The following BAIAP3 variants were observed in gnomAD, a reference collection of about 807,000 sequenced individuals.
BAIAP3 encodes BAI1 associated protein 3, also known as BAI1-associated protein 3.
A neutral mutation model predicts 149.7 loss-of-function variants in BAIAP3; 180 were observed. The ratio of observed to expected loss-of-function variants is 1.20; its 90% confidence interval spans 1.07 to 1.36. The LOEUF is 1.36. BAIAP3 is among the 40% of genes most tolerant of loss of function. The pLI is 0.00. For missense variants in BAIAP3, 1,767 were observed against 1,563.4 expected, an observed-to-expected ratio of 1.13 and a Z score of -2.20; for synonymous variants, 845 against 670.7, an observed-to-expected ratio of 1.26 and a Z score of -4.02.
rs374109731 is a variant in BAIAP3, at chr16:1,346,836, C to T, written c.2643-11C>T. The T allele has an allele frequency of 1.3e-6, 2 of 1,583,240 alleles. No individual in the cohort carries two copies. The highest frequency in any genetic ancestry group is 2.3e-5 in the East Asian group (1 of 44,014). Reference sequence around the variant, plus strand: ...TGGGGCTGGCCCGTGGTCACTGATGCTGCCCTGCAGGGTGCTGGAGGCCCT... The same window carrying T: ...TGGGGCTGGCCCGTGGTCACTGATGTTGCCCTGCAGGGTGCTGGAGGCCCT... On this transcript the variant is annotated splice_polypyrimidine_tract_variant and intron_variant, in intron 27 of 33. Transcript: ENST00000426824.
Position 1,333,717 on chromosome 16 carries a change from C to G in BAIAP3, c.-43C>G, listed in dbSNP as rs2033279202. 2.8e-5 allele frequency: 3 copies of G among 108,936 alleles called. No homozygotes were observed. The South Asian group carries it at 9.4e-4, about 34-fold the overall frequency. The allele number at this position is 108,936 out of a possible 1,614,324, so 6.7% of individuals were successfully genotyped here. ...CCGAGCTGGTGCCGAGCGCAGCGCC[C>G]CAGGAGCCCCCCCATCCCCGCGCCG... On this transcript the variant is annotated 5_prime_UTR_variant, in exon 1 of 34. Coordinates refer to ENST00000426824, the MANE Select transcript of BAIAP3 (RefSeq NM_001199097.2).
chr16:1,343,547 G>A (rs2034084950), intron 15 of BAIAP3, 34 bp downstream of exon 15: 1 of 1,601,686 alleles, frequency 6.2e-7, no homozygotes, highest in Non-Finnish European at 8.5e-7. Flanking sequence ...GCCAGCCATG[G>A]CGAAGGGAGT....
At position 1,342,303 on chromosome 16, in the gene BAIAP3, G is replaced by A. The variant is rs1315742232; in HGVS notation, c.957+20G>A. 2 of 1,607,908 alleles carry A rather than the reference G, an allele frequency of 1.2e-6. No individual in the cohort carries two copies. Among genetic ancestry groups the A allele is most frequent in the Non-Finnish European group, 1.7e-6 (2 of 1,176,174 alleles). On this transcript the variant is annotated intron_variant, in intron 11 of 33. Transcript: ENST00000426824. ...GTCCGGGTGAGTGGGTGTGGGGTGG[G>A]GCTGGTGACACTTAGAGAAGGGCCT...
rs145807489 is a variant in BAIAP3, at chr16:1,345,256, C to T, written c.1948C>T (p.Arg650Cys). The T allele has an allele frequency of 2.7e-3, 4,341 of 1,612,998 alleles. 19 individuals are homozygous for T. The highest frequency in any genetic ancestry group is 2.7e-3 in the Non-Finnish European group (3,225 of 1,179,866). The change falls in exon 22 of 34, where the codon CGC becomes TGC. Residue 650 changes from arginine to cysteine, a missense_variant. Coordinates refer to ENST00000426824, the MANE Select transcript of BAIAP3 (RefSeq NM_001199097.2). ...ACAACCCTCCCACCACAGGGACAGC[C>T]GCTCTCTGGCCCTGGCTGGCATCCA... Reference protein sequence around the residue: ...FWDSIPGRDSRSLALAGIHAP... With the variant: ...FWDSIPGRDSCSLALAGIHAP...
Position 1,348,122 on chromosome 16 carries a change from G to GC in BAIAP3, c.3178dup (p.Arg1060ProfsTer237). On this transcript the variant is annotated frameshift_variant, in exon 33 of 34. Coordinates refer to ENST00000426824, the MANE Select transcript of BAIAP3 (RefSeq NM_001199097.2). LOFTEE classifies it high-confidence loss of function. ...TCCGTGCCTGCCGAGGCGTGCCGCCGCCGCGCGGCCTGTGTGTTGTTCACC... is the reference window on the plus strand; with the variant it reads ...TCCGTGCCTGCCGAGGCGTGCCGCCGCCCGCGCGGCCTGTGTGTTGTTCACC... 1.9e-6 allele frequency: 3 copies of GC among 1,604,166 alleles called. No individual in the cohort carries two copies. Among genetic ancestry groups the GC allele is most frequent in the Non-Finnish European group, 2.5e-6 (3 of 1,179,434 alleles).
chr16:1,349,435 C>G lies in BAIAP3; in HGVS notation c.*953C>G. The G allele has an allele frequency of 3.7e-6, 6 of 1,613,656 alleles. No homozygotes were observed. The South Asian group carries it at 4.4e-5, about 12-fold the overall frequency. ...CCTCAAAAATATATGTGTCTGCAACCCTCAGTCTCTCTGCCGTTTCTTGAT... is the reference window on the plus strand; with the variant it reads ...CCTCAAAAATATATGTGTCTGCAACGCTCAGTCTCTCTGCCGTTTCTTGAT... On this transcript the variant is annotated 3_prime_UTR_variant, in exon 34 of 34. Coordinates refer to ENST00000426824, the MANE Select transcript of BAIAP3 (RefSeq NM_001199097.2).
In BAIAP3 at chr16:1,346,897, TG is replaced by T. The variant is rs748911394; in HGVS notation, c.2696del (p.Gly899ValfsTer37). Reference protein sequence around the residue: ...ELLLQAILQALGANRDVSADF... With the variant: ...ELLLQAILQAXGANRDVSADF... Reference sequence around the variant, plus strand: ...CTCCTCCAGGCCATTCTGCAGGCGCTGGGTGCAAACCGTGACGTCTCTGCTG... The same window carrying T: ...CTCCTCCAGGCCATTCTGCAGGCGCTGGTGCAAACCGTGACGTCTCTGCTG... On this transcript the variant is annotated frameshift_variant, in exon 28 of 34. Coordinates refer to ENST00000426824, the MANE Select transcript of BAIAP3 (RefSeq NM_001199097.2). LOFTEE classifies it high-confidence loss of function. 5.3e-5 allele frequency: 86 copies of T among 1,608,034 alleles called. No individual in the cohort carries two copies. Among genetic ancestry groups the T allele is most frequent in the Non-Finnish European group, 7.3e-5 (86 of 1,178,030 alleles).
chr16:1,345,137 G>A, intron 21 of BAIAP3, 38 bp downstream of exon 21: 1 of 1,611,916 alleles, frequency 6.2e-7, no homozygotes, highest in Non-Finnish European at 8.5e-7. Flanking sequence ...GACAGACTTT[G>A]GGACCAGGGC....
chr16:1,341,204 G>A lies in BAIAP3; in HGVS notation c.535+9G>A, dbSNP rs775225174. On this transcript the variant is annotated intron_variant, in intron 7 of 33. Coordinates refer to ENST00000426824, the MANE Select transcript of BAIAP3 (RefSeq NM_001199097.2). Reference sequence around the variant, plus strand: ...GGCCAAGGACCCCAACGGTGAGTGGGGACCCAGCAGACCTCGGCTGCGCCG... The same window carrying A: ...GGCCAAGGACCCCAACGGTGAGTGGAGACCCAGCAGACCTCGGCTGCGCCG... The A allele has an allele frequency of 5.9e-5, 95 of 1,611,790 alleles. No homozygotes were observed. In the Middle Eastern group the frequency reaches 6.6e-4, roughly 11 times the overall value.
Position 1,344,219 on chromosome 16 carries a change from C to T in BAIAP3, c.1512-8C>T, listed in dbSNP as rs748684117. On this transcript the variant is annotated splice_region_variant and splice_polypyrimidine_tract_variant and intron_variant, in intron 16 of 33. Transcript: ENST00000426824. ...CAGGCCCCACGTCAGCGTGCTGCCCCCACCCAGGTGTCTGGGCAAGCTGCA... is the reference window on the plus strand; with the variant it reads ...CAGGCCCCACGTCAGCGTGCTGCCCTCACCCAGGTGTCTGGGCAAGCTGCA... 4 of 1,613,268 alleles carry T rather than the reference C, an allele frequency of 2.5e-6. No individual in the cohort carries two copies. In the South Asian group the frequency reaches 3.3e-5, roughly 13 times the overall value.
At chr16:1,347,042 T>C in intron 28 of BAIAP3, 87 bp downstream of exon 28, 2 of 1,298,692 alleles carry the variant, frequency 1.5e-6, no homozygotes, top group East Asian at 5.0e-5. Context: ...GCCTGCCTGG[T>C]CTCCTGTGGC....
chr16:1,345,787 C>A lies in BAIAP3; in HGVS notation c.2105C>A (p.Ala702Glu). The A allele has an allele frequency of 6.4e-7, 1 of 1,568,048 alleles. No individual in the cohort carries two copies. The highest frequency in any genetic ancestry group is 8.6e-7 in the Non-Finnish European group (1 of 1,162,180). ...VDASSRHSSS[A>E]ATAGLCLSHI... ...GCCTCCTCCAGGCACAGCAGCTCCG[C>A]AGCCACTGCTGGTCTCTGCCTCAGC... Residue 702 changes from alanine (A) to glutamate (E), a missense_variant, in exon 23 of 34, where the codon GCA becomes GAA. Physicochemically the swap from Ala to Glu is moderately radical, Grantham distance 107 (BLOSUM62 -1). Coordinates refer to ENST00000426824, the MANE Select transcript of BAIAP3 (RefSeq NM_001199097.2).
intron 1 of BAIAP3, chr16:1,334,552 C>T (rs936994215): frequency 6.9e-6 from 7 of 1,008,682 alleles, no homozygotes; most frequent in Non-Finnish European, 7.3e-6. Flanking sequence ...CGGTCTCCTG[C>T]GCTCCTGCTG....
chr16:1,339,848 G>A (rs1244726960), intron 5 of BAIAP3, among the ~76,000 whole-genome samples: 1 of 108,966 alleles, frequency 9.2e-6, no homozygotes, highest in Admixed American at 1.1e-4. Context: ...ACAGACACAC[G>A]CACACAGGCT....
Position 1,347,928 on chromosome 16 carries a change from C to A in BAIAP3, c.3060C>A (p.Gly1020=), listed in dbSNP as rs2034494065. The A allele has an allele frequency of 1.9e-6, 3 of 1,611,854 alleles. No individual in the cohort carries two copies. The African/African-American group carries it at 4.0e-5, about 22-fold the overall frequency. Residue 1020 remains glycine, a synonymous_variant, in exon 32 of 34, where the codon GGC becomes GGA. Coordinates refer to ENST00000426824, the MANE Select transcript of BAIAP3 (RefSeq NM_001199097.2). ...LSDPFVIVEL[G]PPHLFPLVRS... is the part of the protein sequence containing the mutation. ...ACCCCTTTGTGATCGTGGAGCTGGG[C>A]CCACCGCATCTCTTTCCACTGGTCC... is the stretch of plus-strand genomic sequence containing the variant.
chr16:1,348,397 G>A lies in BAIAP3; in HGVS notation c.3374G>A (p.Arg1125Lys), dbSNP rs771554131. 6.2e-7 allele frequency: 1 copy of A among 1,612,644 alleles called. No individual in the cohort carries two copies. The highest frequency in any genetic ancestry group is 2.2e-5 in the East Asian group (1 of 44,872). ...CTTGCAGTGAGATCTGCGCTGAGGA[G>A]GCTGGAAGGCCGCACCAGCAAGGAG... ...PRAQVRSALR[R>K]LEGRTSKEAQ... The change falls in exon 34 of 34, where the codon AGG (arginine) becomes AAG (lysine). Residue 1125 changes from arginine (R) to lysine (K), a missense_variant. Transcript: ENST00000426824.
Position 1,345,031 on chromosome 16 carries a change from C to G in BAIAP3, c.1872C>G (p.Ala624=). ...GCCCCAAGATGACCCTGGAGGTGGC[C>G]TCGGGGCTCTTTGAGCTCTACCTGA... ...ELSPKMTLEV[A]SGLFELYLTL... is the part of the protein sequence containing the mutation. Residue 624 remains alanine, a synonymous_variant, in exon 21 of 34, where the codon GCC becomes GCG. Coordinates refer to ENST00000426824, the MANE Select transcript of BAIAP3 (RefSeq NM_001199097.2). The G allele has an allele frequency of 6.2e-7, 1 of 1,612,474 alleles. No individual in the cohort carries two copies. Among genetic ancestry groups the G allele is most frequent in the Non-Finnish European group, 8.5e-7 (1 of 1,180,000 alleles).
intron 8 of BAIAP3, 150 bp from the exon 9 acceptor site, chr16:1,341,672 A>C: frequency 8.5e-7 from 1 of 1,177,762 alleles, no homozygotes; most frequent in South Asian, 1.5e-5. Flanking sequence ...CACGGCTGGC[A>C]ACACCTGGCG....
chr16:1,345,782 C>T lies in BAIAP3; in HGVS notation c.2100C>T (p.Ser700=), dbSNP rs773381747. The stretch of plus-strand genomic sequence containing the variant: ...TGGACGCCTCCTCCAGGCACAGCAG[C>T]TCCGCAGCCACTGCTGGTCTCTGCC... The part of the protein sequence containing the change: ...EPVDASSRHS[S]SAATAGLCLS... The change falls in exon 23 of 34, where the codon AGC becomes AGT. Residue 700 remains serine, a synonymous_variant. Transcript: ENST00000426824. The T allele has an allele frequency of 6.4e-6, 10 of 1,563,310 alleles. No homozygotes were observed. In the African/African-American group the frequency reaches 1.4e-4, roughly 21 times the overall value.
Sources: gnomAD v4.1 joint callset for allele counts (sites outside exome capture counted in the v4.1 genomes callset) on GRCh38, gnomAD v4.1.1 for gene constraint, MANE v1.5 for transcripts, NCBI Gene and HGNC (gene_info 2026-07-23, HGNC 2026-07-21) for gene names.